The following GRM8 variants were observed in gnomAD, a reference collection of about 807,000 sequenced individuals.
GRM8 encodes the protein glutamate metabotropic receptor 8, also known as metabotropic glutamate receptor 8.
GRM8 carries 47 observed loss-of-function variants against 87.2 expected under a neutral mutation model. The observed-to-expected ratio is 0.54, with a 90% CI of 0.43 to 0.69. The LOEUF (loss-of-function observed/expected upper bound fraction) is 0.69, where lower values mean the gene tolerates loss of function less well. Ranked by LOEUF, GRM8 falls within the 30% of genes least tolerant of loss-of-function variation. The pLI is 0.00. For synonymous variants in GRM8, 396 were observed against 404.5 expected, an observed-to-expected ratio of 0.98 and a Z score of 0.25; for missense variants, 1,019 against 1,139.2, an observed-to-expected ratio of 0.89 and a Z score of 1.52.
intron 7 of GRM8, among the ~76,000 whole-genome samples, chr7:126,681,952 T>A (rs189666860): frequency 1.4e-4 from 22 of 152,330 alleles, no homozygotes; most frequent in African/African-American, 4.6e-4. Flanking sequence ...TTTATGAGTA[T>A]GTTTTACTTG....
intron 7 of GRM8, among the ~76,000 whole-genome samples, chr7:126,768,927 C>CAAAAAA (rs775753477): frequency 1.0e-5 from 1 of 98,866 alleles, no homozygotes; most frequent in African/African-American, 4.2e-5. Context: ...AGGAAAAATG[C>CAAAAAA]AAAAAAAAAA....
chr7:126,997,319 G>T (rs1478692821), intron 3 of GRM8, among the ~76,000 whole-genome samples: 1 of 151,538 alleles, frequency 6.6e-6, no homozygotes, highest in Non-Finnish European at 1.5e-5. Context: ...AAAATATATA[G>T]CTTTAAGTGC....
chr7:126,851,929 A>T (rs1379542931), intron 6 of GRM8, among the ~76,000 whole-genome samples: 1 of 152,100 alleles, frequency 6.6e-6, no homozygotes, highest in East Asian at 1.9e-4. Flanking sequence ...GTTTTTTCAC[A>T]GCTGTATAAA....
chr7:126,984,257 T>C (rs751468610), intron 3 of GRM8, among the ~76,000 whole-genome samples: 5 of 152,290 alleles, frequency 3.3e-5, no homozygotes, highest in South Asian at 2.1e-4. Flanking sequence ...TGGGTTCAAG[T>C]TGGCAAGGGT....
At position 126,806,221 on chromosome 7, in the gene GRM8, G is replaced by T. The variant is rs565705274; in HGVS notation, c.1157-36156C>A. ...TGGTCTCGCTGACTTCAGGAGTGAA[G>T]CTGCAGACCTTCCCGGTGAGTGCTA... On this transcript the variant is annotated intron_variant, in intron 6 of 10. Coordinates refer to ENST00000339582, the MANE Select transcript of GRM8 (RefSeq NM_000845.3). 2.4e-4 allele frequency among the ~76,000 whole-genome samples: 37 copies of T among 152,340 alleles called. No individual in the cohort carries two copies. The South Asian group carries it at 7.2e-3, about 30-fold the overall frequency.
chr7:126,682,806 T>C (rs1173977764), intron 7 of GRM8, among the ~76,000 whole-genome samples: 1 of 152,154 alleles, frequency 6.6e-6, no homozygotes, highest in Non-Finnish European at 1.5e-5. Flanking sequence ...ATCCCAGCAC[T>C]TTGGGAGGTC....
chr7:127,191,134 A>C (rs920326984), intron 2 of GRM8, among the ~76,000 whole-genome samples: 1 of 152,218 alleles, frequency 6.6e-6, no homozygotes, highest in Admixed American at 6.5e-5. Flanking sequence ...TCTGATTCCT[A>C]GATTTGTATT....
chr7:126,940,454 C>T (rs1033797700), intron 3 of GRM8, among the ~76,000 whole-genome samples: 6 of 152,176 alleles, frequency 3.9e-5, no homozygotes, highest in African/African-American at 1.2e-4. Context: ...CCATCTTGGC[C>T]GCATATGGTG....
intron 6 of GRM8, among the ~76,000 whole-genome samples, chr7:126,850,247 G>A (rs1324134210): frequency 3.9e-5 from 6 of 152,120 alleles, no homozygotes; most frequent in Non-Finnish European, 7.4e-5. Flanking sequence ...TTGGCTTCCA[G>A]AACAGCATAC....
chr7:126,941,377 G>A (rs1806908680), intron 3 of GRM8, among the ~76,000 whole-genome samples: 1 of 151,502 alleles, frequency 6.6e-6, no homozygotes, highest in East Asian at 1.9e-4. Context: ...GGAGGCCGAA[G>A]CGGGTGGATC....
intron 7 of GRM8, among the ~76,000 whole-genome samples, chr7:126,667,462 T>C (rs1404417450): frequency 6.6e-6 from 1 of 152,220 alleles, no homozygotes; most frequent in Admixed American, 6.5e-5. Context: ...AGAAGGAAAA[T>C]GTGCCAATTA....
chr7:126,540,655 A>G (rs984796607), intron 8 of GRM8, among the ~76,000 whole-genome samples: 4 of 152,330 alleles, frequency 2.6e-5, no homozygotes, highest in Middle Eastern at 3.4e-3. Flanking sequence ...TGAAAACATT[A>G]CACTAAGAAA....
chr7:126,665,050 A>G (rs970817086), intron 7 of GRM8, among the ~76,000 whole-genome samples: 6 of 152,212 alleles, frequency 3.9e-5, no homozygotes, highest in African/African-American at 1.2e-4. Context: ...AATGCAAATC[A>G]AAACTACATG....
intron 6 of GRM8, among the ~76,000 whole-genome samples, chr7:126,778,899 T>C (rs1308961631): frequency 6.6e-6 from 1 of 151,190 alleles, no homozygotes; most frequent in Non-Finnish European, 1.5e-5. Flanking sequence ...AAAATAAAAG[T>C]GTAGAAAGAA....
Position 126,809,393 on chromosome 7 carries a change from G to T in GRM8, c.1157-39328C>A, listed in dbSNP as rs142278848. ...CATTGCATGGGCTAAAATTTCTGCTGATATAGGAAAAATAATTAGAGGGAA... is the reference window on the plus strand; with the variant it reads ...CATTGCATGGGCTAAAATTTCTGCTTATATAGGAAAAATAATTAGAGGGAA... On this transcript the variant is annotated intron_variant, in intron 6 of 10. Coordinates refer to ENST00000339582, the MANE Select transcript of GRM8 (RefSeq NM_000845.3). Among the ~76,000 whole-genome samples, 818 of 152,186 alleles carry T rather than the reference G, an allele frequency of 5.4e-3. 9 individuals are homozygous for T. The highest frequency in any genetic ancestry group is 0.019 in the African/African-American group (781 of 41,516).
At chr7:127,201,516 C>T (rs1310573790) in intron 2 of GRM8, among the ~76,000 whole-genome samples, 1 of 152,176 alleles carries the variant, frequency 6.6e-6, no homozygotes, top group African/African-American at 2.4e-5. Flanking sequence ...GGTTGAAAGT[C>T]ATGACAAACT....
At chr7:126,721,703 G>C (rs1213162780) in intron 7 of GRM8, among the ~76,000 whole-genome samples, 1 of 151,944 alleles carries the variant, frequency 6.6e-6, no homozygotes, top group Non-Finnish European at 1.5e-5. Context: ...TTTAACAAAT[G>C]TTAATTGAAA....
At chr7:126,649,101 A>G (rs55799445) in intron 7 of GRM8, among the ~76,000 whole-genome samples, 46,546 of 151,996 alleles carry the variant, frequency 0.31, 7,949 homozygotes, top group East Asian at 0.42. Flanking sequence ...ATTATCTATT[A>G]TAAATGTGAT....
intron 3 of GRM8, among the ~76,000 whole-genome samples, chr7:127,026,236 T>C (rs1242351125): frequency 6.6e-6 from 1 of 152,214 alleles, no homozygotes; most frequent in Non-Finnish European, 1.5e-5. Context: ...ATTTTCTTTA[T>C]CCAGTCTATC....
Sources: allele counts gnomAD v4.1 joint callset (sites outside exome capture counted in the v4.1 genomes callset), GRCh38; gene constraint gnomAD v4.1.1; transcripts MANE v1.5; gene names NCBI Gene and HGNC (gene_info 2026-07-23, HGNC 2026-07-21).